Variants in SYT1 observed in about 807,000 individuals in gnomAD.
SYT1 encodes synaptotagmin 1.
Under a neutral mutation model 44.8 loss-of-function variants are expected in SYT1, and 8 were observed. The observed-to-expected ratio is 0.18, with a 90% CI of 0.10 to 0.32. The LOEUF is 0.32. Among genes scored for constraint, SYT1 ranks in the 10% least tolerant of loss-of-function variants. SYT1 has a pLI of 1.00. For missense variants in SYT1, 286 were observed against 509.3 expected (o/e 0.56, Z 4.22); for synonymous variants, 154 against 188.8 (o/e 0.82, Z 1.51).
At position 78,865,814 on chromosome 12, in the gene SYT1, T is replaced by A. The variant is rs1005291595; in HGVS notation, c.-217+705T>A. Among the ~76,000 whole-genome samples the A allele has an allele frequency of 1.1e-3, 167 of 152,114 alleles. 2 individuals carry two copies. Among genetic ancestry groups the A allele is most frequent in the Non-Finnish European group, 4.1e-4 (28 of 68,020 alleles). Reference sequence around the variant, plus strand: ...CTGCTTAATTGCTTTTGCTTTTGAGTGCCAACCATCTGACTTTTCCTGTTT... The same window carrying A: ...CTGCTTAATTGCTTTTGCTTTTGAGAGCCAACCATCTGACTTTTCCTGTTT... On this transcript the variant is annotated intron_variant, in intron 1 of 10. Coordinates refer to ENST00000261205, the MANE Select transcript of SYT1 (RefSeq NM_005639.3).
chr12:79,027,156 T>C (rs980710038), intron 2 of SYT1, among the ~76,000 whole-genome samples: 7 of 151,566 alleles, frequency 4.6e-5, no homozygotes, highest in African/African-American at 1.5e-4. Flanking sequence ...CTCCACCTTC[T>C]CTCCAGGAAG....
intron 4 of SYT1, among the ~76,000 whole-genome samples, chr12:79,251,110 C>G (rs1419545881): frequency 6.6e-6 from 1 of 152,138 alleles, no homozygotes. Context: ...AGTCTCAAGT[C>G]TGAGTACTAC....
chr12:79,404,322 AACT>A (rs1480329664), intron 9 of SYT1, among the ~76,000 whole-genome samples: 3 of 152,160 alleles, frequency 2.0e-5, no homozygotes, highest in Non-Finnish European at 2.9e-5. Flanking sequence ...CTATAAATAG[AACT>A]ACTGAGTGGC....
chr12:79,392,149 A>G (rs2136096017), intron 9 of SYT1: 1 of 152,314 alleles, frequency 6.6e-6, no homozygotes, highest in East Asian at 1.9e-4. Context: ...TGACCACCAC[A>G]TTTCAATATT....
chr12:78,974,223 T>C (rs1868644504), intron 1 of SYT1, among the ~76,000 whole-genome samples: 1 of 150,874 alleles, frequency 6.6e-6, no homozygotes, highest in African/African-American at 2.4e-5. Flanking sequence ...TATTGAAACA[T>C]AGTACAGTAA....
intron 1 of SYT1, among the ~76,000 whole-genome samples, chr12:78,935,168 C>T (rs188829714): frequency 6.6e-6 from 1 of 152,254 alleles, no homozygotes; most frequent in South Asian, 2.1e-4. Flanking sequence ...CCATAGGAAG[C>T]AAGTAGGTGT....
chr12:78,948,953 C>CTATTATATTATATTA (rs71441943), intron 1 of SYT1, among the ~76,000 whole-genome samples: 16 of 142,490 alleles, frequency 1.1e-4, no homozygotes, highest in Non-Finnish European at 1.8e-4. Context: ...AAATCAAGGC[C>CTATTATATTATATTA]TATTATATTA....
chr12:79,395,290 C>T (rs1207493246), intron 9 of SYT1, among the ~76,000 whole-genome samples: 1 of 152,154 alleles, frequency 6.6e-6, no homozygotes, highest in African/African-American at 2.4e-5. Flanking sequence ...GCAATCTCAG[C>T]TCACTGCAAC....
At chr12:79,264,368 A>G (rs1247636817) in intron 4 of SYT1, among the ~76,000 whole-genome samples, 2 of 152,100 alleles carry the variant, frequency 1.3e-5, no homozygotes, top group Non-Finnish European at 2.9e-5. Context: ...TTTAGCAGAG[A>G]CGGTAAACTA....
At chr12:79,202,378 G>A (rs1273563152) in intron 3 of SYT1, among the ~76,000 whole-genome samples, 3 of 152,122 alleles carry the variant, frequency 2.0e-5, no homozygotes, top group African/African-American at 4.8e-5. Flanking sequence ...TCTTAACCCC[G>A]CTTTCTTAAA....
intron 3 of SYT1, among the ~76,000 whole-genome samples, chr12:79,136,336 G>A (rs1455314747): frequency 2.0e-5 from 3 of 152,102 alleles, no homozygotes; most frequent in African/African-American, 4.8e-5. Context: ...AAATAATGAA[G>A]ATGTTAAGTA....
At chr12:79,132,672 CTCAAAA>C in intron 3 of SYT1, among the ~76,000 whole-genome samples, 1 of 63,880 alleles carries the variant, frequency 1.6e-5, no homozygotes, top group Non-Finnish European at 2.8e-5. Flanking sequence ...ATGGAGTTTT[CTCAAAA>C]AAAAAAAAAA....
chr12:79,065,451 G>A (rs1171736153), intron 3 of SYT1, among the ~76,000 whole-genome samples: 1 of 152,088 alleles, frequency 6.6e-6, no homozygotes, highest in Non-Finnish European at 1.5e-5. Flanking sequence ...CATATCAGAG[G>A]ATGCTTTCTT....
chr12:78,926,237 A>T (rs1327822059), intron 1 of SYT1, among the ~76,000 whole-genome samples: 1 of 152,114 alleles, frequency 6.6e-6, no homozygotes. Flanking sequence ...GAAACAAATA[A>T]AGCAAGCACT....
At chr12:79,225,324 T>C (rs1313856134) in intron 4 of SYT1, among the ~76,000 whole-genome samples, 4 of 152,184 alleles carry the variant, frequency 2.6e-5, no homozygotes, top group Non-Finnish European at 5.9e-5. Context: ...TTTTAAGAAG[T>C]TCAAGTTGAT....
chr12:78,902,029 C>T (rs1318501430), intron 1 of SYT1, among the ~76,000 whole-genome samples: 2 of 151,818 alleles, frequency 1.3e-5, no homozygotes, highest in Middle Eastern at 3.4e-3. Context: ...CACACTGGAG[C>T]CTGTCATAGG....
intron 3 of SYT1, among the ~76,000 whole-genome samples, chr12:79,169,055 G>A (rs1293768320): frequency 6.6e-6 from 1 of 152,030 alleles, no homozygotes; most frequent in Non-Finnish European, 1.5e-5. Flanking sequence ...TTAAGTGAGA[G>A]TCCCATTGAA....
chr12:78,961,443 AT>A (rs1188357568), intron 1 of SYT1, among the ~76,000 whole-genome samples: 1 of 152,046 alleles, frequency 6.6e-6, no homozygotes, highest in Non-Finnish European at 1.5e-5. Flanking sequence ...ACCCTCTTAA[AT>A]TCTAATGATG....
At chr12:78,996,631 A>T (rs928803261) in intron 2 of SYT1, among the ~76,000 whole-genome samples, 1 of 152,226 alleles carries the variant, frequency 6.6e-6, no homozygotes, top group African/African-American at 2.4e-5. Flanking sequence ...ACATCACATC[A>T]AACAGCATAT....
Sources: gnomAD v4.1 joint callset for allele counts (sites outside exome capture counted in the v4.1 genomes callset) on GRCh38, gnomAD v4.1.1 for gene constraint, MANE v1.5 for transcripts, NCBI Gene and HGNC (gene_info 2026-07-23, HGNC 2026-07-21) for gene names.